The following CFAP20DC variants were observed in gnomAD, a reference collection of about 807,000 sequenced individuals.
CFAP20DC encodes protein CFAP20DC.
In CFAP20DC, 84 loss-of-function variants were observed where a neutral mutation model predicts 101.7. That is an observed-to-expected ratio of 0.83 (90% CI 0.69 to 0.99). The LOEUF is 0.99. Ranked by LOEUF, CFAP20DC falls within the 50% of genes least tolerant of loss-of-function variation. The probability of loss-of-function intolerance (pLI) is 0.00; values close to 1 mark genes in which losing one functional copy is unlikely to be tolerated. For missense variants in CFAP20DC, 1,007 were observed against 970.3 expected (o/e 1.04, Z -0.50); for synonymous variants, 359 against 351.2 (o/e 1.02, Z -0.25).
intron 15 of CFAP20DC, among the ~76,000 whole-genome samples, chr3:58,774,410 C>T (rs891742490): frequency 6.6e-6 from 1 of 152,188 alleles, no homozygotes; most frequent in Non-Finnish European, 1.5e-5. Flanking sequence ...GGACCGTAGG[C>T]GTGAACATTT....
intron 14 of CFAP20DC, among the ~76,000 whole-genome samples, chr3:58,809,332 C>T (rs931885579): frequency 2.0e-5 from 3 of 152,102 alleles, no homozygotes; most frequent in Non-Finnish European, 4.4e-5. Flanking sequence ...TGTAAAAGAA[C>T]AGAAATTATA....
chr3:58,803,200 T>C (rs1027379828), intron 15 of CFAP20DC, among the ~76,000 whole-genome samples: 1 of 152,180 alleles, frequency 6.6e-6, no homozygotes, highest in Admixed American at 6.5e-5. Flanking sequence ...CGCTTTCCTC[T>C]CTGTGGAAGT....
downstream of CFAP20DC, among the ~76,000 whole-genome samples, chr3:58,738,881 A>G (rs890365561): frequency 6.6e-6 from 1 of 152,224 alleles, no homozygotes; most frequent in Non-Finnish European, 1.5e-5. This position sits in a 1 kb window ranked among gnomAD's most constrained non-coding sequence, Gnocchi z 4.4. Context: ...TTAAAAAAGA[A>G]CAGCTCAGAA....
At chr3:59,049,583 G>C (rs1352306394) in intron 1 of CFAP20DC, 28 bp downstream of exon 1, 2 of 1,533,826 alleles carry the variant, frequency 1.3e-6, no homozygotes, top group South Asian at 1.2e-5. Context: ...GAAAGGTATA[G>C]ACAGGTTGGA....
At chr3:58,719,312 T>C (rs561608065) in intron 3 of CFAP20DC, among the ~76,000 whole-genome samples, 3 of 152,280 alleles carry the variant, frequency 2.0e-5, no homozygotes, top group African/African-American at 4.8e-5. Context: ...GGCCCCTTTA[T>C]ACTGAGTGAG....
rs115477411 is a variant in CFAP20DC, at chr3:58,867,649, T to C, written c.1135+168A>G. Among the ~76,000 whole-genome samples the C allele has an allele frequency of 3.0e-3, 458 of 152,330 alleles. 5 individuals carry two copies. Among genetic ancestry groups the C allele is most frequent in the African/African-American group, 0.011 (439 of 41,586 alleles). ...ATCCAGCAAATCTCCATTAGGGATC[T>C]AGAGCAATTCTTTTGCAGAAAATTT... On this transcript the variant is annotated intron_variant, in intron 10 of 16. Transcript: ENST00000482387.
At chr3:58,817,904 C>A (rs1334696630) in intron 14 of CFAP20DC, among the ~76,000 whole-genome samples, 10 of 148,366 alleles carry the variant, frequency 6.7e-5, no homozygotes, top group East Asian at 4.2e-4. Context: ...GGTCGGGTTA[C>A]CCTCAAAGGG....
chr3:58,945,083 C>A (rs1002217982), intron 4 of CFAP20DC, among the ~76,000 whole-genome samples: 8 of 152,270 alleles, frequency 5.3e-5, no homozygotes, highest in African/African-American at 1.9e-4. Context: ...TTAATCCTCC[C>A]ATAAACCCTA....
intron 5 of CFAP20DC, among the ~76,000 whole-genome samples, chr3:58,932,880 C>G (rs1017901010): frequency 6.6e-6 from 1 of 152,066 alleles, no homozygotes; most frequent in Non-Finnish European, 1.5e-5. Flanking sequence ...GAGCAAAATA[C>G]CCAGCTAACA....
chr3:58,753,713 C>G (rs1399228951), intron 16 of CFAP20DC, 56 bp downstream of exon 16: 2 of 1,133,782 alleles, frequency 1.8e-6, no homozygotes, highest in African/African-American at 3.1e-5. Flanking sequence ...TGGATTCTCT[C>G]TATTTATAGT....
chr3:58,851,252 T>C (rs545712593), intron 12 of CFAP20DC, among the ~76,000 whole-genome samples: 12 of 152,204 alleles, frequency 7.9e-5, no homozygotes, highest in African/African-American at 2.9e-4. Flanking sequence ...TGGATACTGT[T>C]TGTGGAGTGT....
rs1447674 is a variant in CFAP20DC at position 59,014,153 on chromosome 3, A to G, written c.278+25404T>C. Among the ~76,000 whole-genome samples, 2,683 of 152,264 alleles carry G rather than the reference A, an allele frequency of 0.018. 67 individuals are homozygous for G. The highest frequency in any genetic ancestry group is 0.06 in the African/African-American group (2,494 of 41,546). ...CTGCAAGCAGTGAGTTAGAAGGTTTAGCTCAGCTGCTGCCTAGAGTGATGG... is the reference window on the plus strand; with the variant it reads ...CTGCAAGCAGTGAGTTAGAAGGTTTGGCTCAGCTGCTGCCTAGAGTGATGG... On this transcript the variant is annotated intron_variant, in intron 4 of 16. Transcript: ENST00000482387. This position sits in a 1 kb window ranked among gnomAD's most constrained non-coding sequence, Gnocchi z 4.9.
At chr3:58,751,816 T>C (rs551531839) in intron 16 of CFAP20DC, among the ~76,000 whole-genome samples, 1 of 149,880 alleles carries the variant, frequency 6.7e-6, no homozygotes, top group African/African-American at 2.5e-5. Context: ...CTTGAGAACT[T>C]TGTGTCTCAG....
At chr3:58,895,737 C>T (rs1403676955) in intron 6 of CFAP20DC, among the ~76,000 whole-genome samples, 2 of 152,120 alleles carry the variant, frequency 1.3e-5, no homozygotes, top group African/African-American at 4.8e-5. Context: ...TAAAGACATA[C>T]CCGAGACTGG....
chr3:58,807,225 C>T (rs1214319460), intron 14 of CFAP20DC, among the ~76,000 whole-genome samples: 1 of 152,212 alleles, frequency 6.6e-6, no homozygotes, highest in Non-Finnish European at 1.5e-5. Context: ...GTTCTCCCAG[C>T]ACGCAGCTGG....
chr3:58,948,165 G>C (rs994905395), intron 4 of CFAP20DC, among the ~76,000 whole-genome samples: 1 of 152,224 alleles, frequency 6.6e-6, no homozygotes, highest in Non-Finnish European at 1.5e-5. Flanking sequence ...TGGGACACTG[G>C]AGTGGACTGC....
At chr3:58,745,228 T>A (rs1471284264) in intron 16 of CFAP20DC, among the ~76,000 whole-genome samples, 1 of 152,188 alleles carries the variant, frequency 6.6e-6, no homozygotes, top group Non-Finnish European at 1.5e-5. Flanking sequence ...ATGTACATCC[T>A]CTACTTTCAG....
intron 1 of CFAP20DC, among the ~76,000 whole-genome samples, chr3:59,048,549 T>C (rs894242582): frequency 6.6e-6 from 1 of 152,162 alleles, no homozygotes; most frequent in Non-Finnish European, 1.5e-5. Flanking sequence ...TTTCCTGTAG[T>C]GGGCACATGT....
chr3:58,962,755 T>C (rs2091244852), intron 4 of CFAP20DC, among the ~76,000 whole-genome samples: 1 of 152,202 alleles, frequency 6.6e-6, no homozygotes, highest in African/African-American at 2.4e-5. Context: ...GTCTCCTCTG[T>C]AACTGCACAA....
Sources: gnomAD v4.1 joint callset for allele counts (sites outside exome capture counted in the v4.1 genomes callset) on GRCh38, gnomAD v4.1.1 for gene constraint, Gnocchi (gnomAD v3.1) non-coding constraint, MANE v1.5 for transcripts, NCBI Gene and HGNC (gene_info 2026-07-23, HGNC 2026-07-21) for gene names.